The following ADIPOR2 variants were observed in gnomAD, a reference collection of about 807,000 sequenced individuals.
ADIPOR2 encodes adiponectin receptor protein 2.
ADIPOR2 carries 18 observed loss-of-function variants against 40.9 expected under a neutral mutation model. The observed-to-expected ratio is 0.44, with a 90% confidence interval of 0.30 to 0.65. The LOEUF is 0.65. Among genes scored for constraint, ADIPOR2 ranks in the 30% least tolerant of loss-of-function variants. The pLI is 0.09. For synonymous variants in ADIPOR2, 165 were observed against 166.4 expected (o/e 0.99, Z 0.06); for missense variants, 283 against 479.2 (o/e 0.59, Z 3.82).
rs553727192 is a variant in ADIPOR2 at position 1,780,617 on chromosome 12, G to T, written c.630G>T (p.Gly210=). Residue 210 remains glycine (G), a synonymous_variant, in exon 5 of 8, where the codon GGG becomes GGT. Coordinates refer to ENST00000357103, the MANE Select transcript of ADIPOR2 (RefSeq NM_024551.3). ...ACACAGTCTACTGCCACTCAGAGGG[G>T]GTCTCTCGGCTCTTCTCTAAGTAAG... ...LFHTVYCHSE[G]VSRLFSKLDY... is the part of the protein sequence containing the mutation. The T allele has an allele frequency of 2.5e-6, 4 of 1,599,494 alleles. No homozygotes were observed. Among genetic ancestry groups the T allele is most frequent in the Admixed American group, 1.8e-5 (1 of 56,264 alleles).
At chr12:1,735,978 G>T (rs968718112) in intron 1 of ADIPOR2, among the ~76,000 whole-genome samples, 1 of 152,192 alleles carries the variant, frequency 6.6e-6, no homozygotes, top group Non-Finnish European at 1.5e-5. Context: ...TTTTTGATGT[G>T]CTGCTGGATT....
intron 1 of ADIPOR2, chr12:1,697,354 A>G (rs1373575514): frequency 6.6e-6 from 1 of 152,348 alleles, no homozygotes; most frequent in Non-Finnish European, 1.5e-5. Flanking sequence ...TTGTCACTTT[A>G]TCCTCAGATT....
intron 6 of ADIPOR2, among the ~76,000 whole-genome samples, chr12:1,783,197 C>T (rs1243865471): frequency 6.6e-6 from 1 of 151,592 alleles, no homozygotes; most frequent in East Asian, 2.0e-4. Context: ...GCCTCTCCAC[C>T]CCAACAACGC....
intron 1 of ADIPOR2, among the ~76,000 whole-genome samples, chr12:1,706,454 G>A (rs901111076): frequency 2.0e-5 from 3 of 152,026 alleles, no homozygotes; most frequent in Non-Finnish European, 4.4e-5. Flanking sequence ...TAAAGACTAG[G>A]GAGTATTCAT....
intron 1 of ADIPOR2, among the ~76,000 whole-genome samples, chr12:1,747,281 A>G (rs552342999): frequency 1.3e-5 from 2 of 152,324 alleles, no homozygotes; most frequent in African/African-American, 2.4e-5. Context: ...TCACAATGGA[A>G]TGAAAGTGGA....
chr12:1,744,826 T>C (rs560169359), intron 1 of ADIPOR2, among the ~76,000 whole-genome samples: 1 of 152,366 alleles, frequency 6.6e-6, no homozygotes, highest in Non-Finnish European at 1.5e-5. Context: ...ATACAAAATA[T>C]AAACTTTATT....
Position 1,750,997 on chromosome 12 carries a change from T to C in ADIPOR2, c.-86-3261T>C, listed in dbSNP as rs1224132174. Among the ~76,000 whole-genome samples, 6 of 152,044 alleles carry C rather than the reference T, an allele frequency of 3.9e-5. No homozygotes were observed. In the South Asian group the frequency reaches 1.0e-3, roughly 26 times the overall value. On this transcript the variant is annotated intron_variant, in intron 1 of 7. Coordinates refer to ENST00000357103, the MANE Select transcript of ADIPOR2 (RefSeq NM_024551.3). ...ATGCTGGTAATACCATTTTCTGGCT[T>C]TAGACTCTTAGACTTGTTTGCTTTT...
intron 4 of ADIPOR2, 132 bp downstream of exon 4, chr12:1,778,157 T>C (rs1862637970): frequency 5.7e-6 from 6 of 1,050,584 alleles, no homozygotes; most frequent in Admixed American, 3.5e-5. Context: ...TTTCTAATGA[T>C]GAATTTTCTG....
chr12:1,693,424 C>G (rs1017872319), intron 1 of ADIPOR2, among the ~76,000 whole-genome samples: 1 of 151,678 alleles, frequency 6.6e-6, no homozygotes, highest in Non-Finnish European at 1.5e-5. Flanking sequence ...TTTACAAGTA[C>G]ACCACTTGGG....
intron 1 of ADIPOR2, among the ~76,000 whole-genome samples, chr12:1,726,394 C>T (rs572715950): frequency 3.5e-4 from 54 of 152,312 alleles, no homozygotes; most frequent in African/African-American, 1.2e-3. Context: ...GACGGGGTTT[C>T]ACCATCTTGG....
At chr12:1,742,967 G>A (rs962991212) in intron 1 of ADIPOR2, among the ~76,000 whole-genome samples, 1 of 152,060 alleles carries the variant, frequency 6.6e-6, no homozygotes, top group East Asian at 1.9e-4. Context: ...TTTTTTGTTT[G>A]TGAAGAGTTG....
At chr12:1,694,726 G>C (rs973717148) in intron 1 of ADIPOR2, among the ~76,000 whole-genome samples, 1 of 152,154 alleles carries the variant, frequency 6.6e-6, no homozygotes, top group Admixed American at 6.6e-5. Context: ...GCAACAGTTT[G>C]ATATAGGTCT....
intron 2 of ADIPOR2, among the ~76,000 whole-genome samples, chr12:1,771,380 G>T (rs1259926486): frequency 2.6e-5 from 4 of 151,206 alleles, no homozygotes; most frequent in African/African-American, 9.7e-5. Flanking sequence ...AAAGAAAAAC[G>T]CTGTCTCAAA....
At chr12:1,769,818 A>C (rs1433127518) in intron 2 of ADIPOR2, among the ~76,000 whole-genome samples, 1 of 152,058 alleles carries the variant, frequency 6.6e-6, no homozygotes, top group Admixed American at 6.5e-5. Context: ...CTGGGATTAC[A>C]GATGTGCGAC....
At chr12:1,691,842 T>A (rs1445282861) in intron 1 of ADIPOR2, among the ~76,000 whole-genome samples, 2 of 152,148 alleles carry the variant, frequency 1.3e-5, no homozygotes, top group African/African-American at 2.4e-5. Context: ...CTGTTAGCTC[T>A]TTTTTCCTCC....
chr12:1,704,016 T>G (rs1337514052), intron 1 of ADIPOR2, among the ~76,000 whole-genome samples: 1 of 112,086 alleles, frequency 8.9e-6, no homozygotes, highest in Non-Finnish European at 1.7e-5. Context: ...CCCCCACCAG[T>G]TTTTTTTTTT....
At chr12:1,713,118 T>G (rs1485207597) in intron 1 of ADIPOR2, among the ~76,000 whole-genome samples, 1 of 152,134 alleles carries the variant, frequency 6.6e-6, no homozygotes, top group East Asian at 1.9e-4. Flanking sequence ...GGGGCAAGAC[T>G]GTCCACGTAA....
intron 2 of ADIPOR2, among the ~76,000 whole-genome samples, chr12:1,759,013 C>T (rs1032928518): frequency 4.6e-5 from 7 of 152,228 alleles, no homozygotes; most frequent in Non-Finnish European, 7.3e-5. Flanking sequence ...TTCTGCCGAA[C>T]AAAGCTGCCT....
At chr12:1,774,433 C>T (rs1344312777) in intron 3 of ADIPOR2, among the ~76,000 whole-genome samples, 1 of 152,230 alleles carries the variant, frequency 6.6e-6, no homozygotes, top group Non-Finnish European at 1.5e-5. Flanking sequence ...TCCTGTTACA[C>T]AGTGTTGTCT....
Sources: allele counts gnomAD v4.1 joint callset (sites outside exome capture counted in the v4.1 genomes callset), GRCh38; gene constraint gnomAD v4.1.1; transcripts MANE v1.5; gene names NCBI Gene and HGNC (gene_info 2026-07-23, HGNC 2026-07-21).